PTPRT: variants seen among roughly 807,000 people sequenced by gnomAD.
PTPRT encodes receptor-type tyrosine-protein phosphatase T.
PTPRT carries 56 observed loss-of-function variants against 176.8 expected under a neutral mutation model. The ratio of observed to expected loss-of-function variants is 0.32; its 90% CI spans 0.26 to 0.40. PTPRT has a LOEUF of 0.40. PTPRT is among the 10% of genes least tolerant of loss of function. PTPRT has a pLI of 1.00. For synonymous variants in PTPRT, 783 were observed against 739.0 expected (o/e 1.06, Z -0.96); for missense variants, 1,540 against 1,908.2 (o/e 0.81, Z 3.60).
chr20:42,322,144 T>A (rs575769983), intron 11 of PTPRT, among the ~76,000 whole-genome samples: 5 of 152,200 alleles, frequency 3.3e-5, no homozygotes, highest in African/African-American at 1.2e-4. Context: ...TCCATGCTCA[T>A]GGGTAGGAAG....
chr20:42,096,971 T>C (rs1985324459), intron 27 of PTPRT, among the ~76,000 whole-genome samples: 1 of 152,080 alleles, frequency 6.6e-6, no homozygotes, highest in Non-Finnish European at 1.5e-5. Flanking sequence ...TTTCTAACTG[T>C]GCTCCTCCAA....
In PTPRT at chr20:43,083,284, A is replaced by G. The variant is rs1378751638; in HGVS notation, c.88+106362T>C. Among the ~76,000 whole-genome samples the G allele has an allele frequency of 3.6e-5, 5 of 139,490 alleles. No homozygotes were observed. In the East Asian group the frequency reaches 1.0e-3, roughly 28 times the overall value. The allele number at this position is 139,490 out of a possible 152,430, so 91.5% of individuals were successfully genotyped here. A position where few individuals can be genotyped will look rare whatever the true frequency, so the allele number is the denominator to read the frequency against. ...ATTATTTTGAATGCTTTTTTGAGGT[A>G]TAATTTATATACCATAAGATTCACC... On this transcript the variant is annotated intron_variant, in intron 1 of 30. Transcript: ENST00000373187.
chr20:42,046,090 G>T, the PTPRT span, among the ~76,000 whole-genome samples: 1 of 152,184 alleles, frequency 6.6e-6, no homozygotes, highest in Non-Finnish European at 1.5e-5. Flanking sequence ...CATGTCCTCC[G>T]CCTCTGCGTT....
intron 27 of PTPRT, among the ~76,000 whole-genome samples, chr20:42,097,595 T>A (rs533630872): frequency 6.6e-6 from 1 of 152,316 alleles, no homozygotes; most frequent in East Asian, 1.9e-4. Flanking sequence ...TGCTCATCTG[T>A]CTCTGGAGCA....
At chr20:42,434,156 C>T (rs2059240418) in intron 9 of PTPRT, among the ~76,000 whole-genome samples, 1 of 152,082 alleles carries the variant, frequency 6.6e-6, no homozygotes, top group African/African-American at 2.4e-5. Context: ...ATGAAGATGG[C>T]TAGTGTGTTA....
intron 7 of PTPRT, among the ~76,000 whole-genome samples, chr20:42,546,072 C>T (rs1267179600): frequency 6.6e-6 from 1 of 152,046 alleles, no homozygotes; most frequent in Non-Finnish European, 1.5e-5. Context: ...TTTGTGTGCT[C>T]ATTATAGTAG....
chr20:42,987,779 T>C (rs747559416), intron 1 of PTPRT, among the ~76,000 whole-genome samples: 15 of 152,160 alleles, frequency 9.9e-5, no homozygotes, highest in Non-Finnish European at 1.8e-4. Context: ...TTGCAGTAAT[T>C]ATCATAACCT....
chr20:42,858,163 T>G (rs1039203653), intron 2 of PTPRT, among the ~76,000 whole-genome samples: 1 of 152,218 alleles, frequency 6.6e-6, no homozygotes, highest in African/African-American at 2.4e-5. Context: ...AGACTGAGAT[T>G]TACCTGCCAT....
rs375652042 is a variant in PTPRT at position 42,819,413 on chromosome 20, G to C, written c.215-27947C>G. Among the ~76,000 whole-genome samples the C allele has an allele frequency of 1.5e-4, 23 of 152,280 alleles. No individual in the cohort carries two copies. The East Asian group carries it at 2.9e-3, about 19-fold the overall frequency. ...GATCCTGAAAGAAGCACTGAATGTGGAATGGAAAAACAGGTACTAGCCACT... is the reference window on the plus strand; with the variant it reads ...GATCCTGAAAGAAGCACTGAATGTGCAATGGAAAAACAGGTACTAGCCACT... On this transcript the variant is annotated intron_variant, in intron 2 of 30. Transcript: ENST00000373187.
intron 1 of PTPRT, among the ~76,000 whole-genome samples, chr20:43,182,834 C>T (rs968256478): frequency 6.6e-6 from 1 of 150,754 alleles, no homozygotes; most frequent in Admixed American, 6.6e-5. Context: ...ACCAAAGGCG[C>T]AAAAAAAACA....
chr20:43,160,578 G>C (rs565639191), intron 1 of PTPRT, among the ~76,000 whole-genome samples: 5 of 152,124 alleles, frequency 3.3e-5, no homozygotes, highest in African/African-American at 1.2e-4. Context: ...AAGCTCAAAG[G>C]GCTTATCAAT....
At position 42,226,532 on chromosome 20, in the gene PTPRT, G is replaced by T. The variant is rs60467787; in HGVS notation, c.2342+9697C>A. 8.4e-4 allele frequency among the ~76,000 whole-genome samples: 128 copies of T among 152,264 alleles called. 1 individual carries two copies. In the East Asian group the frequency reaches 0.021, roughly 25 times the overall value. ...AATCATTAGCATCATCATCAACATT[G>T]AGGGGCTTAACTAAAGCATTTCCTT... is the stretch of plus-strand genomic sequence containing the variant. On this transcript the variant is annotated intron_variant, in intron 15 of 30. Coordinates refer to ENST00000373187, the MANE Select transcript of PTPRT (RefSeq NM_007050.6).
At chr20:42,319,617 C>T (rs1054439736) in intron 11 of PTPRT, among the ~76,000 whole-genome samples, 1 of 152,172 alleles carries the variant, frequency 6.6e-6, no homozygotes, top group Non-Finnish European at 1.5e-5. Flanking sequence ...TCTCAAAGAC[C>T]ACAGAACTCT....
chr20:42,642,656 T>C (rs111580020), intron 7 of PTPRT, among the ~76,000 whole-genome samples: 1,685 of 152,232 alleles, frequency 0.011, 37 homozygotes, highest in African/African-American at 0.039. Context: ...GTAACTAGTA[T>C]TACACTCTTT....
chr20:42,058,912 A>G, the PTPRT span, among the ~76,000 whole-genome samples: 1 of 152,188 alleles, frequency 6.6e-6, no homozygotes, highest in Non-Finnish European at 1.5e-5. Flanking sequence ...AGTACATTTT[A>G]GAATCAAGGG....
At chr20:42,830,554 T>A (rs2078067120) in intron 2 of PTPRT, among the ~76,000 whole-genome samples, 1 of 152,154 alleles carries the variant, frequency 6.6e-6, no homozygotes, top group Admixed American at 6.5e-5. Context: ...GGATGCTCTC[T>A]CTCACCACTC....
At chr20:42,920,793 G>A (rs1382307264) in intron 1 of PTPRT, among the ~76,000 whole-genome samples, 1 of 152,096 alleles carries the variant, frequency 6.6e-6, no homozygotes, top group East Asian at 1.9e-4. Context: ...TTCAGAGAGG[G>A]GCTCTAATCA....
intron 1 of PTPRT, among the ~76,000 whole-genome samples, chr20:43,125,073 G>A (rs1291459401): frequency 6.6e-6 from 1 of 151,040 alleles, no homozygotes. Context: ...TCAGCTCACT[G>A]CAACCTCCAC....
intron 19 of PTPRT, among the ~76,000 whole-genome samples, chr20:42,124,588 T>G (rs1987759158): frequency 6.6e-6 from 1 of 152,192 alleles, no homozygotes. Flanking sequence ...AAGATCCAAT[T>G]GTAGAGAAAT....
Sources: allele counts gnomAD v4.1 joint callset (sites outside exome capture counted in the v4.1 genomes callset), GRCh38; gene constraint gnomAD v4.1.1; transcripts MANE v1.5; gene names NCBI Gene and HGNC (gene_info 2026-07-23, HGNC 2026-07-21).